Variants in GPAM observed in about 807,000 individuals in gnomAD.
GPAM encodes the protein glycerol-3-phosphate acyltransferase 1, mitochondrial.
GPAM carries 56 observed loss-of-function variants against 105.0 expected under a neutral mutation model. The ratio of observed to expected loss-of-function variants is 0.53; its 90% CI spans 0.43 to 0.67. The LOEUF (loss-of-function observed/expected upper bound fraction) is 0.67, where lower values mean the gene tolerates loss of function less well. Among genes scored for constraint, GPAM ranks in the 30% least tolerant of loss-of-function variants. GPAM has a pLI of 0.00. For missense variants in GPAM, 855 were observed against 989.8 expected (o/e 0.86, Z 1.83); for synonymous variants, 368 against 354.4 (o/e 1.04, Z -0.43).
At chr10:112,208,349 T>C (rs1847873870) in intron 1 of GPAM, among the ~76,000 whole-genome samples, 1 of 152,244 alleles carries the variant, frequency 6.6e-6, no homozygotes, top group African/African-American at 2.4e-5. Context: ...TGAGTACTAA[T>C]GGCTTTTATT....
intron 20 of GPAM, chr10:112,155,575 A>G (rs913274499): frequency 1.2e-5 from 4 of 329,670 alleles, no homozygotes; most frequent in African/African-American, 8.7e-5. Flanking sequence ...AGAATGAATA[A>G]AATGTGGTAA....
At chr10:112,208,101 C>T (rs1414247428) in intron 1 of GPAM, among the ~76,000 whole-genome samples, 1 of 152,168 alleles carries the variant, frequency 6.6e-6, no homozygotes, top group African/African-American at 2.4e-5. Context: ...TCAGGATAAC[C>T]ACATGCATCA....
Position 112,160,006 on chromosome 10 carries a change from T to A in GPAM, c.1807A>T (p.Thr603Ser), listed in dbSNP as rs1163657985. The change falls in exon 17 of 22, where the codon ACT becomes TCT. Residue 603 changes from threonine to serine, a missense_variant. Physicochemically the swap from Thr to Ser is moderately conservative, Grantham distance 58 (BLOSUM62 1). Transcript: ENST00000348367. The part of the protein sequence containing the change: ...VLNKRGLGGP[T>S]STPPNLISQE... ...CTGATCAGGTTAGGTGGGGTGCTAG[T>A]GGGACCCCCCAGTCCCCTCTTGTTC... 1.1e-5 allele frequency: 17 copies of A among 1,613,104 alleles called. No homozygotes were observed. Among genetic ancestry groups the A allele is most frequent in the Non-Finnish European group, 1.4e-5 (17 of 1,179,164 alleles).
rs142392831 is a variant in GPAM, at chr10:112,162,340, T to C, written c.1424-603A>G. Among the ~76,000 whole-genome samples, 269 of 152,286 alleles carry C rather than the reference T, an allele frequency of 1.8e-3. 1 individual carries two copies. The highest frequency in any genetic ancestry group is 6.1e-3 in the African/African-American group (252 of 41,558). ...CCTAGCTCATTAGACCACATGAGAA[T>C]AAAATGACTGGCCCGGCACAGGAGC... On this transcript the variant is annotated intron_variant, in intron 14 of 21. Transcript: ENST00000348367.
At position 112,150,105 on chromosome 10, in the gene GPAM, A is replaced by C. The variant is rs1277577112; in HGVS notation, c.*3445T>G. 2.0e-6 allele frequency: 2 copies of C among 983,178 alleles called. No homozygotes were observed. The highest frequency in any genetic ancestry group is 2.4e-6 in the Non-Finnish European group (2 of 827,848). 60.9% of individuals were successfully genotyped at this position (983,178 alleles called of 1,614,324 possible). A position where few individuals can be genotyped will look rare whatever the true frequency, so the allele number is the denominator to read the frequency against. On this transcript the variant is annotated 3_prime_UTR_variant, in exon 22 of 22. Coordinates refer to ENST00000348367, the MANE Select transcript of GPAM (RefSeq NM_001244949.2). ...GCTCTAGACGTTTAGAAATAAGGTC[A>C]AGAATCTCTTTCAAATGCAATCATT...
chr10:112,220,001 T>C (rs1232276047), upstream of GPAM, among the ~76,000 whole-genome samples: 1 of 152,158 alleles, frequency 6.6e-6, no homozygotes, highest in African/African-American at 2.4e-5. Flanking sequence ...GGTCACAAGA[T>C]TTGCCACTTT....
upstream of GPAM, among the ~76,000 whole-genome samples, chr10:112,184,654 A>T (rs1847569801): frequency 6.6e-6 from 1 of 152,210 alleles, no homozygotes; most frequent in African/African-American, 2.4e-5. Context: ...GTGGTCCTTG[A>T]GGAGGGAAAA....
At chr10:112,193,068 A>G (rs1158112796) in intron 1 of GPAM, among the ~76,000 whole-genome samples, 3 of 152,254 alleles carry the variant, frequency 2.0e-5, no homozygotes, top group Non-Finnish European at 4.4e-5. Flanking sequence ...TCATGGCGCC[A>G]TCAGAAAAAC....
At position 112,151,631 on chromosome 10, in the gene GPAM, A is replaced by G; in HGVS notation, c.*1919T>C. ...GTATTTTCTTTGCTTAGGTTGGCAA[A>G]GCAGCAGCTCTTTGCAGCAATGACA... On this transcript the variant is annotated 3_prime_UTR_variant, in exon 22 of 22. Transcript: ENST00000348367. 2 of 985,536 alleles carry G rather than the reference A, an allele frequency of 2.0e-6. No individual in the cohort carries two copies. The highest frequency in any genetic ancestry group is 2.4e-6 in the Non-Finnish European group (2 of 829,942). 61.0% of individuals were successfully genotyped at this position (985,536 alleles called of 1,614,324 possible).
At chr10:112,187,495 CATA>C (rs1283311038), upstream of GPAM, among the ~76,000 whole-genome samples, 1 of 152,068 alleles carries the variant, frequency 6.6e-6, no homozygotes, top group African/African-American at 2.4e-5. Context: ...AGGGTCAATT[CATA>C]ATGAGGACAA....
upstream of GPAM, among the ~76,000 whole-genome samples, chr10:112,184,169 A>C (rs1847561766): frequency 6.6e-6 from 1 of 152,158 alleles, no homozygotes; most frequent in African/African-American, 2.4e-5. Flanking sequence ...CATGTTGTGT[A>C]ATTTCTACCA....
chr10:112,209,735 T>A (rs754810635), intron 1 of GPAM, among the ~76,000 whole-genome samples: 12 of 152,212 alleles, frequency 7.9e-5, no homozygotes, highest in Non-Finnish European at 1.3e-4. Flanking sequence ...AATGACACTG[T>A]TACTAGCAGC....
At chr10:112,199,926 T>A (rs770605235) in intron 1 of GPAM, among the ~76,000 whole-genome samples, 94 of 152,108 alleles carry the variant, frequency 6.2e-4, no homozygotes, top group Admixed American at 1.6e-3. Context: ...CAAGGTGAGA[T>A]TTGGGTGGGG....
chr10:112,188,433 A>G (rs1847619779), upstream of GPAM, among the ~76,000 whole-genome samples: 1 of 152,164 alleles, frequency 6.6e-6, no homozygotes, highest in Non-Finnish European at 1.5e-5. Context: ...GGTGTACCAG[A>G]TGTTAGATTT....
intron 4 of GPAM, among the ~76,000 whole-genome samples, chr10:112,179,336 A>G (rs1847464781): frequency 6.6e-6 from 1 of 152,174 alleles, no homozygotes; most frequent in African/African-American, 2.4e-5. Flanking sequence ...TTATTGTTTT[A>G]AGTATTCAAA....
the GPAM span, among the ~76,000 whole-genome samples, chr10:112,225,652 C>T: frequency 1.3e-5 from 2 of 152,134 alleles, no homozygotes; most frequent in African/African-American, 2.4e-5. Flanking sequence ...AAAGCCCTCT[C>T]TGACCTCTCC....
chr10:112,151,144 C>A lies in GPAM; in HGVS notation c.*2406G>T, dbSNP rs1846910091. 19 of 984,184 alleles carry A rather than the reference C, an allele frequency of 1.9e-5. No individual in the cohort carries two copies. Among genetic ancestry groups the A allele is most frequent in the Non-Finnish European group, 2.3e-5 (19 of 828,598 alleles). The allele number at this position is 984,184 out of a possible 1,614,324, so 61.0% of individuals were successfully genotyped here. On this transcript the variant is annotated 3_prime_UTR_variant, in exon 22 of 22. Coordinates refer to ENST00000348367, the MANE Select transcript of GPAM (RefSeq NM_001244949.2). ...TTTTTTTAACTTGACCACAGTCTTC[C>A]CCTGAAGAAGGGCATGCATTTCATG...
At chr10:112,221,454 G>A in the GPAM span, among the ~76,000 whole-genome samples, 1 of 152,080 alleles carries the variant, frequency 6.6e-6, no homozygotes, top group Non-Finnish European at 1.5e-5. Flanking sequence ...AGATTCCTAG[G>A]CACCACCCCA....
chr10:112,224,851 G>A, the GPAM span, among the ~76,000 whole-genome samples: 1 of 152,044 alleles, frequency 6.6e-6, no homozygotes, highest in African/African-American at 2.4e-5. Context: ...CTCTCGGCAG[G>A]AAAAATGCAT....
Sources: gnomAD v4.1 joint callset for allele counts (sites outside exome capture counted in the v4.1 genomes callset) on GRCh38, gnomAD v4.1.1 for gene constraint, MANE v1.5 for transcripts, NCBI Gene and HGNC (gene_info 2026-07-23, HGNC 2026-07-21) for gene names.